MINDY1: variants seen among roughly 807,000 people sequenced by gnomAD.
The protein encoded by MINDY1 is ubiquitin carboxyl-terminal hydrolase MINDY-1.
In MINDY1, 50 loss-of-function variants were observed where a neutral mutation model predicts 53.6. That is an observed-to-expected ratio of 0.93 (90% CI 0.74 to 1.18). The LOEUF is 1.18. MINDY1 is among the 50% of genes most tolerant of loss of function. The pLI is 0.00. For missense variants in MINDY1, 484 were observed against 578.6 expected (o/e 0.84, Z 1.68); for synonymous variants, 231 against 234.7 (o/e 0.98, Z 0.14).
chr1:151,008,278 G>A, upstream of MINDY1: 1 of 1,232,868 alleles, frequency 8.1e-7, no homozygotes, highest in Non-Finnish European at 1.0e-6. Flanking sequence ...TGATCCCTCA[G>A]AAAACAATCC....
chr1:151,003,847 A>G (rs1433881811), intron 1 of MINDY1, among the ~76,000 whole-genome samples: 2 of 152,168 alleles, frequency 1.3e-5, no homozygotes, highest in Non-Finnish European at 2.9e-5. Context: ...CTGATTATTA[A>G]TTTACATAAC....
chr1:151,002,579 C>T lies in MINDY1; in HGVS notation c.39G>A (p.Lys13=). The T allele has an allele frequency of 6.2e-7, 1 of 1,614,224 alleles. No individual in the cohort carries two copies. Among genetic ancestry groups the T allele is most frequent in the East Asian group, 2.2e-5 (1 of 44,888 alleles). The change falls in exon 2 of 10, where the codon AAG becomes AAA. Residue 13 remains lysine (K), a synonymous_variant. Coordinates refer to ENST00000683666, the MANE Select transcript of MINDY1 (RefSeq NM_001376665.1). This position sits in a 1 kb window ranked among gnomAD's most constrained non-coding sequence, Gnocchi z 4.1. ...GGATGACTGCTTCTGCAGTCCCGGC[C>T]TTACCAGGGGCTGGATCCTCAGGCT... ...YHQPEDPAPG[K]AGTAEAVIPE...
At chr1:150,998,777 T>C (rs1460430059) in intron 7 of MINDY1, among the ~76,000 whole-genome samples, 2 of 152,184 alleles carry the variant, frequency 1.3e-5, no homozygotes, top group South Asian at 2.1e-4. Flanking sequence ...CATGGAGTCG[T>C]TGGGGCTGAG....
chr1:151,000,511 A>G lies in MINDY1; in HGVS notation c.681T>C (p.Ser227=). ...GAGGTATGCCTAGCAGGTCAAAGAC[A>G]CTGCACTCGGGTGTATACTCAAAAT... The part of the protein sequence containing the change: ...VSDFEYTPEC[S]VFDLLGIPLY... Residue 227 remains serine, a synonymous_variant, in exon 5 of 10, where the codon AGT becomes AGC. Coordinates refer to ENST00000683666, the MANE Select transcript of MINDY1 (RefSeq NM_001376665.1). 1 of 1,614,010 alleles carries G rather than the reference A, an allele frequency of 6.2e-7. No individual in the cohort carries two copies. The highest frequency in any genetic ancestry group is 2.2e-5 in the East Asian group (1 of 44,872).
chr1:151,006,492 T>G lies in MINDY1; in HGVS notation c.-270A>C. ...ACGGTCCAGGCTGGGTTGTGGCCAC[T>G]TCCGGACTCACGCCCAGTACTGGGG... On this transcript the variant is annotated 5_prime_UTR_variant, in exon 1 of 10. Coordinates refer to ENST00000683666, the MANE Select transcript of MINDY1 (RefSeq NM_001376665.1). The G allele has an allele frequency of 5.7e-6, 6 of 1,050,790 alleles. No individual in the cohort carries two copies. Among genetic ancestry groups the G allele is most frequent in the Non-Finnish European group, 6.9e-6 (6 of 868,704 alleles). The allele number at this position is 1,050,790 out of a possible 1,614,324, so 65.1% of individuals were successfully genotyped here.
rs1324174351 is a variant in MINDY1 at position 151,002,324 on chromosome 1, C to T, written c.294G>A (p.Gln98=). The T allele has an allele frequency of 1.2e-6, 2 of 1,614,042 alleles. No homozygotes were observed. Among genetic ancestry groups the T allele is most frequent in the Non-Finnish European group, 1.7e-6 (2 of 1,180,024 alleles). ...GGGTCCTGGGGGACTGAGGAAGCTC[C>T]TGGGGCATGGAGCATGCCCTTATTG... The part of the protein sequence containing the change: ...VETIRACSMP[Q]ELPQSPRTRQ... The change falls in exon 2 of 10, where the codon CAG becomes CAA. Residue 98 remains glutamine (Q), a synonymous_variant. Transcript: ENST00000683666. The surrounding 1 kb of genome is among the most constrained non-coding windows in gnomAD (Gnocchi z 4.1).
At chr1:151,001,928 C>A (rs1672630802) in intron 2 of MINDY1, 146 bp from the exon 3 acceptor site, 4 of 910,702 alleles carry the variant, frequency 4.4e-6, no homozygotes. Flanking sequence ...AATGTGAAAT[C>A]TTGCAAGGCA....
In MINDY1 at chr1:150,997,023, C is replaced by T. The variant is rs1309979669; in HGVS notation, c.*264G>A. The T allele has an allele frequency of 1.8e-6, 1 of 550,348 alleles. No individual in the cohort carries two copies. Among genetic ancestry groups the T allele is most frequent in the Non-Finnish European group, 3.3e-6 (1 of 304,938 alleles). The allele number at this position is 550,348 out of a possible 1,614,324, so 34.1% of individuals were successfully genotyped here. A position where few individuals can be genotyped will look rare whatever the true frequency, so the allele number is the denominator to read the frequency against. ...CCTCACCCCAGAGCCTCAGTCTGTACATACGTGTGACTATTCAGGGACCGG... is the reference window on the plus strand; with the variant it reads ...CCTCACCCCAGAGCCTCAGTCTGTATATACGTGTGACTATTCAGGGACCGG... On this transcript the variant is annotated 3_prime_UTR_variant, in exon 10 of 10. Transcript: ENST00000683666.
chr1:151,006,950 G>A (rs929189345), upstream of MINDY1: 11 of 959,658 alleles, frequency 1.1e-5, no homozygotes, highest in South Asian at 9.6e-5. Flanking sequence ...GGGAGGAGAA[G>A]GGCTGGACAG....
intron 9 of MINDY1, 83 bp from the exon 10 acceptor site, chr1:150,997,450 G>A: frequency 6.5e-7 from 1 of 1,543,884 alleles, no homozygotes; most frequent in Non-Finnish European, 8.8e-7. Flanking sequence ...GTCAGGATTG[G>A]GACAGAGAGT....
intron 7 of MINDY1, among the ~76,000 whole-genome samples, chr1:150,998,504 G>A (rs1428458012): frequency 1.3e-5 from 2 of 152,040 alleles, no homozygotes; most frequent in African/African-American, 2.4e-5. Flanking sequence ...ACAGGCACCC[G>A]CCACCATGCC....
chr1:151,005,474 GAAAA>G (rs587751127), intron 1 of MINDY1, among the ~76,000 whole-genome samples: 1 of 135,336 alleles, frequency 7.4e-6, no homozygotes, highest in South Asian at 2.3e-4. Flanking sequence ...AAGAAAAAAA[GAAAA>G]AAAAAAAAGA....
At chr1:151,008,307 A>G, upstream of MINDY1, 1 of 1,292,608 alleles carries the variant, frequency 7.7e-7, no homozygotes, top group Admixed American at 3.5e-5. Context: ...GTTGCTAGGG[A>G]CATTGCGGAG....
At chr1:151,001,101 A>G (rs1327708670) in intron 4 of MINDY1, 149 bp downstream of exon 4, 1 of 811,972 alleles carries the variant, frequency 1.2e-6, no homozygotes, top group Non-Finnish European at 2.0e-6. Context: ...CATATTTTCT[A>G]GGACAAAGAT....
At position 151,006,379 on chromosome 1, in the gene MINDY1, A is replaced by G; in HGVS notation, c.-157T>C. On this transcript the variant is annotated 5_prime_UTR_variant, in exon 1 of 10. Coordinates refer to ENST00000683666, the MANE Select transcript of MINDY1 (RefSeq NM_001376665.1). ...CAGCCGTGGCAATGAGATGGGGGAG[A>G]TAGGTGCAATGAAGGGGGCTGCCAG... 4 of 1,377,360 alleles carry G rather than the reference A, an allele frequency of 2.9e-6. No homozygotes were observed. The highest frequency in any genetic ancestry group is 2.8e-5 in the East Asian group (1 of 36,070). 85.3% of individuals were successfully genotyped at this position (1,377,360 alleles called of 1,614,324 possible). A position where few individuals can be genotyped will look rare whatever the true frequency, so the allele number is the denominator to read the frequency against.
chr1:150,999,263 G>A lies in MINDY1; in HGVS notation c.981+106C>T. On this transcript the variant is annotated intron_variant, in intron 7 of 9. Transcript: ENST00000683666. The surrounding 1 kb of genome is among the most constrained non-coding windows in gnomAD (Gnocchi z 4.4). Reference sequence around the variant, plus strand: ...GTGGTAAACCACAGGGATTTGAGGGGTCACTTGCTACCACGGCTTAATCTA... The same window carrying A: ...GTGGTAAACCACAGGGATTTGAGGGATCACTTGCTACCACGGCTTAATCTA... 2 of 1,482,872 alleles carry A rather than the reference G, an allele frequency of 1.3e-6. No homozygotes were observed. Among genetic ancestry groups the A allele is most frequent in the Non-Finnish European group, 1.8e-6 (2 of 1,082,152 alleles). The allele number at this position is 1,482,872 out of a possible 1,614,324, so 91.9% of individuals were successfully genotyped here.
chr1:151,000,587 G>A lies in MINDY1; in HGVS notation c.605C>T (p.Pro202Leu), dbSNP rs1487657791. ...QNVDDAMTVL[P>L]KLATGLDVNV... ...GACATCCAGACCTGTGGCCAGTTTA[G>A]GCAGCACTGTCATTGCATCATCCAC... The change falls in exon 5 of 10, where the codon CCT (proline) becomes CTT (leucine). Residue 202 changes from proline (P) to leucine (L), a missense_variant. Physicochemically the swap from Pro to Leu is moderately conservative, Grantham distance 98 (BLOSUM62 -3). Transcript: ENST00000683666. 3.1e-6 allele frequency: 5 copies of A among 1,612,470 alleles called. No homozygotes were observed. The highest frequency in any genetic ancestry group is 4.2e-6 in the Non-Finnish European group (5 of 1,179,580).
Position 150,999,751 on chromosome 1 carries a change from G to C in MINDY1, c.838+111C>G. 9.2e-7 allele frequency: 1 copy of C among 1,092,660 alleles called. No homozygotes were observed. The highest frequency in any genetic ancestry group is 2.9e-4 in the Middle Eastern group (1 of 3,466). The allele number at this position is 1,092,660 out of a possible 1,614,324, so 67.7% of individuals were successfully genotyped here. A position where few individuals can be genotyped will look rare whatever the true frequency, so the allele number is the denominator to read the frequency against. On this transcript the variant is annotated intron_variant, in intron 6 of 9. Coordinates refer to ENST00000683666, the MANE Select transcript of MINDY1 (RefSeq NM_001376665.1). This position sits in a 1 kb window ranked among gnomAD's most constrained non-coding sequence, Gnocchi z 4.4. ...ACAGAAATTCCCCAAGCTCCTTCTT[G>C]TGAAGCTTATATCTAGTGGGATGTG...
Position 150,999,491 on chromosome 1 carries a change from G to A in MINDY1, c.859C>T (p.Leu287=), listed in dbSNP as rs772740181. ...VTEGLIAEQF[L]ETTAAQLTYH... is the part of the protein sequence containing the mutation. ...GTCAGCTGGGCCGCGGTGGTCTCCA[G>A]GAACTGCTCTGCAATCAGGCCTGCC... is the stretch of plus-strand genomic sequence containing the variant. The change falls in exon 7 of 10, where the codon CTG becomes TTG. Residue 287 remains leucine (L), a synonymous_variant. Transcript: ENST00000683666. The surrounding 1 kb of genome is among the most constrained non-coding windows in gnomAD (Gnocchi z 4.4). The A allele has an allele frequency of 8.1e-6, 13 of 1,613,940 alleles. No individual in the cohort carries two copies. The South Asian group carries it at 1.3e-4, about 16-fold the overall frequency.
Sources: gnomAD v4.1 joint callset for allele counts (sites outside exome capture counted in the v4.1 genomes callset) on GRCh38, gnomAD v4.1.1 for gene constraint, Gnocchi (gnomAD v3.1) non-coding constraint, MANE v1.5 for transcripts, NCBI Gene and HGNC (gene_info 2026-07-23, HGNC 2026-07-21) for gene names.